The following ENTPD3 variants were observed in gnomAD, a reference collection of about 807,000 sequenced individuals.
The protein encoded by ENTPD3 is CD39 antigen-like 3.
Under a neutral mutation model 51.2 loss-of-function variants are expected in ENTPD3, and 60 were observed. The ratio of observed to expected loss-of-function variants is 1.17; its 90% CI spans 0.95 to 1.45. The LOEUF is 1.45. Among genes scored for constraint, ENTPD3 ranks in the 40% most tolerant of loss-of-function variants. ENTPD3 has a pLI of 0.00. For synonymous variants in ENTPD3, 221 were observed against 238.4 expected (o/e 0.93, Z 0.67); for missense variants, 593 against 641.1 (o/e 0.93, Z 0.81).
chr3:40,388,168 G>GT, intron 2 of ENTPD3, 71 bp downstream of exon 2: 2 of 1,422,008 alleles, frequency 1.4e-6, no homozygotes, highest in Non-Finnish European at 2.0e-6. Context: ...TCGGCCTACA[G>GT]TTTTTCATCC....
chr3:40,421,980 A>G (rs951560), intron 7 of ENTPD3, among the ~76,000 whole-genome samples: 64,233 of 151,964 alleles, frequency 0.42, 14,913 homozygotes, highest in African/African-American at 0.62. Context: ...ATTTTGCTAG[A>G]TGGATGGGTG....
chr3:40,391,901 G>A (rs1396955609), intron 2 of ENTPD3, 122 bp from the exon 3 acceptor site: 19 of 1,146,950 alleles, frequency 1.7e-5, no homozygotes, highest in East Asian at 4.7e-5. Context: ...TGTGGGTCTC[G>A]CTAACACCAG....
Position 40,427,690 on chromosome 3 carries a change from T to C in ENTPD3, c.*182T>C. ...CTCTTGAGGCATCCCTTGGCTATTC[T>C]GTGCATATTGTTCTTCAGAGACCTC... On this transcript the variant is annotated 3_prime_UTR_variant, in exon 11 of 11. Coordinates refer to ENST00000301825, the MANE Select transcript of ENTPD3 (RefSeq NM_001248.4). The C allele has an allele frequency of 1.7e-6, 1 of 601,070 alleles. No homozygotes were observed. The allele number at this position is 601,070 out of a possible 1,614,324, so 37.2% of individuals were successfully genotyped here.
At position 40,415,892 on chromosome 3, in the gene ENTPD3, C is replaced by T; in HGVS notation, c.650C>T (p.Ala217Val). 4 of 1,614,062 alleles carry T rather than the reference C, an allele frequency of 2.5e-6. No individual in the cohort carries two copies. Among genetic ancestry groups the T allele is most frequent in the Non-Finnish European group, 3.4e-6 (4 of 1,179,990 alleles). ...CCGCATGGAGTGGAAACCACGGGTG[C>T]CCTGGACTTAGGTGGTGCCTCCACC... ...VHPHGVETTG[A>V]LDLGGASTQI... Residue 217 changes from alanine to valine, a missense_variant, in exon 7 of 11, where the codon GCC becomes GTC. Transcript: ENST00000301825.
intron 4 of ENTPD3, among the ~76,000 whole-genome samples, chr3:40,410,736 G>A (rs1235417981): frequency 2.6e-5 from 4 of 152,070 alleles, no homozygotes; most frequent in Non-Finnish European, 4.4e-5. Flanking sequence ...TCTTCAGGAC[G>A]AAGAAATTGC....
chr3:40,408,719 G>A (rs969215786), intron 4 of ENTPD3, among the ~76,000 whole-genome samples: 2 of 152,100 alleles, frequency 1.3e-5, no homozygotes, highest in African/African-American at 2.4e-5. Context: ...TTCATTGTGT[G>A]AAAATCAGAA....
chr3:40,402,899 T>C (rs1559510877), intron 4 of ENTPD3, among the ~76,000 whole-genome samples: 1 of 152,194 alleles, frequency 6.6e-6, no homozygotes, highest in Non-Finnish European at 1.5e-5. Flanking sequence ...TGTGTATATG[T>C]GTAAGCCTTT....
rs1275696975 is a variant in ENTPD3, at chr3:40,415,975, G to A, written c.733G>A (p.Val245Met). The A allele has an allele frequency of 1.9e-6, 3 of 1,613,732 alleles. No homozygotes were observed. The highest frequency in any genetic ancestry group is 1.7e-6 in the Non-Finnish European group (2 of 1,179,878). Residue 245 changes from valine (V) to methionine (M), a missense_variant, in exon 7 of 11, where the codon GTG (valine) becomes ATG (methionine). Physicochemically the swap from Val to Met is conservative, Grantham distance 21 (BLOSUM62 1). Coordinates refer to ENST00000301825, the MANE Select transcript of ENTPD3 (RefSeq NM_001248.4). ...TCTGAACACCAGCGACATCATGCAG[G>A]TGTCCCTGTATGGCTACGTATACAC... The part of the protein sequence containing the change: ...MDLNTSDIMQ[V>M]SLYGYVYTLY...
intron 4 of ENTPD3, among the ~76,000 whole-genome samples, chr3:40,411,135 C>A (rs531309994): frequency 5.2e-4 from 78 of 151,432 alleles, no homozygotes; most frequent in East Asian, 1.4e-3. Context: ...TATAAAAAAA[C>A]CAAAAATTAG....
intron 7 of ENTPD3, among the ~76,000 whole-genome samples, chr3:40,417,825 C>T (rs1559516943): frequency 1.3e-5 from 2 of 152,146 alleles, no homozygotes; most frequent in South Asian, 2.1e-4. Flanking sequence ...TGCCTAATGT[C>T]CTTTGCTCCA....
At chr3:40,412,197 C>A (rs1955651858) in intron 5 of ENTPD3, among the ~76,000 whole-genome samples, 1 of 152,132 alleles carries the variant, frequency 6.6e-6, no homozygotes, top group Admixed American at 6.5e-5. Context: ...TTACTGAGAA[C>A]TTTGAAAAAG....
In ENTPD3 at chr3:40,411,969, G is replaced by C. The variant is rs374168534; in HGVS notation, c.437+7G>C. ...CTGGGATGCGCTTGCTGAGGTAAAG[G>C]CTAAGTGGCACAAAGGAGCCCATTT... On this transcript the variant is annotated splice_region_variant and intron_variant, in intron 5 of 10. Coordinates refer to ENST00000301825, the MANE Select transcript of ENTPD3 (RefSeq NM_001248.4). The C allele has an allele frequency of 6.2e-7, 1 of 1,607,010 alleles. No homozygotes were observed. The highest frequency in any genetic ancestry group is 1.3e-5 in the African/African-American group (1 of 74,736).
At chr3:40,401,825 G>A (rs1955364235) in intron 4 of ENTPD3, among the ~76,000 whole-genome samples, 1 of 152,140 alleles carries the variant, frequency 6.6e-6, no homozygotes, top group Non-Finnish European at 1.5e-5. Context: ...CCCATGGGGT[G>A]CCAACCCCTG....
At chr3:40,412,841 T>C (rs947952258) in intron 5 of ENTPD3, among the ~76,000 whole-genome samples, 4 of 152,260 alleles carry the variant, frequency 2.6e-5, no homozygotes, top group African/African-American at 9.6e-5. Flanking sequence ...AATTCTTGTT[T>C]CTAATCTGAT....
Position 40,400,943 on chromosome 3 carries a change from A to G in ENTPD3, c.218A>G (p.Tyr73Cys). Residue 73 changes from tyrosine to cysteine, a missense_variant, in exon 4 of 11, where the codon TAT becomes TGT. Transcript: ENST00000301825. ...AGSSRTTVYVYQWPAEKENNT... is the reference protein window; with the variant it reads ...AGSSRTTVYVCQWPAEKENNT... The stretch of plus-strand genomic sequence containing the variant: ...TCTTCAAGAACCACAGTCTACGTGT[A>G]TCAATGGCCAGCAGAAAAAGAGAAT... 6.2e-7 allele frequency: 1 copy of G among 1,613,860 alleles called. No homozygotes were observed.
At chr3:40,411,314 G>GAA (rs1955626984) in intron 4 of ENTPD3, among the ~76,000 whole-genome samples, 1 of 111,658 alleles carries the variant, frequency 9.0e-6, no homozygotes, top group South Asian at 3.0e-4. Flanking sequence ...AAGAAAAAAA[G>GAA]AAAAGAAAAA....
At chr3:40,408,860 C>T (rs997280213) in intron 4 of ENTPD3, among the ~76,000 whole-genome samples, 4 of 151,966 alleles carry the variant, frequency 2.6e-5, no homozygotes, top group Admixed American at 2.6e-4. Flanking sequence ...AGCAAGACCC[C>T]ATCTTTATTT....
chr3:40,391,443 G>C (rs142071535), intron 2 of ENTPD3: 1 of 151,870 alleles, frequency 6.6e-6, no homozygotes, highest in East Asian at 2.0e-4. Flanking sequence ...TTGGGAGACC[G>C]AGACAGGCAG....
At chr3:40,404,856 T>C (rs1412178148) in intron 4 of ENTPD3, among the ~76,000 whole-genome samples, 1 of 152,204 alleles carries the variant, frequency 6.6e-6, no homozygotes, top group Non-Finnish European at 1.5e-5. Flanking sequence ...CCAGCAGGGA[T>C]TCCCAGATGC....
Sources: gnomAD v4.1 joint callset for allele counts (sites outside exome capture counted in the v4.1 genomes callset) on GRCh38, gnomAD v4.1.1 for gene constraint, MANE v1.5 for transcripts, NCBI Gene and HGNC (gene_info 2026-07-23, HGNC 2026-07-21) for gene names.